The following HEG1 variants were observed in gnomAD, a reference collection of about 807,000 sequenced individuals.
HEG1 encodes the protein protein HEG homolog 1.
Under a neutral mutation model 125.6 loss-of-function variants are expected in HEG1, and 56 were observed. The ratio of observed to expected loss-of-function variants is 0.45; its 90% CI spans 0.36 to 0.56. The LOEUF (loss-of-function observed/expected upper bound fraction) is 0.56, where lower values mean the gene tolerates loss of function less well. Among genes scored for constraint, HEG1 ranks in the 20% least tolerant of loss-of-function variants. HEG1 has a pLI of 0.00. For missense variants in HEG1, 1,523 were observed against 1,670.0 expected (o/e 0.91, Z 1.53); for synonymous variants, 644 against 668.5 (o/e 0.96, Z 0.57).
chr3:125,027,214 G>A lies in HEG1; in HGVS notation c.904C>T (p.Leu302Phe). The A allele has an allele frequency of 6.2e-7, 1 of 1,602,174 alleles. No individual in the cohort carries two copies. Among genetic ancestry groups the A allele is most frequent in the Non-Finnish European group, 8.5e-7 (1 of 1,174,614 alleles). Residue 302 changes from leucine to phenylalanine, a missense_variant, in exon 3 of 17, where the codon CTT becomes TTT. Transcript: ENST00000311127. ...GGTATGTGGCACTCACATGAGGAAAGGTCTAAGAGAGGAGAGGAAGCTGCT... is the reference window on the plus strand; with the variant it reads ...GGTATGTGGCACTCACATGAGGAAAAGTCTAAGAGAGGAGAGGAAGCTGCT... ...RTAASSPLLD[L>F]SSSSESTEKL...
chr3:125,000,393 T>C (rs1372669031), intron 11 of HEG1, among the ~76,000 whole-genome samples: 2 of 152,206 alleles, frequency 1.3e-5, no homozygotes, highest in African/African-American at 4.8e-5. Context: ...GTTGATCACA[T>C]AGAATGTATT....
At chr3:125,028,109 A>G (rs1051251418) in intron 2 of HEG1, among the ~76,000 whole-genome samples, 6 of 151,904 alleles carry the variant, frequency 3.9e-5, no homozygotes, top group Admixed American at 2.6e-4. Flanking sequence ...CCCTGTGGCC[A>G]CTAGGCCACA....
chr3:124,988,495 G>A (rs560366332), intron 14 of HEG1, among the ~76,000 whole-genome samples: 7 of 152,134 alleles, frequency 4.6e-5, no homozygotes, highest in African/African-American at 7.2e-5. Flanking sequence ...CATTTAGAGC[G>A]TGATGACTGG....
chr3:124,994,535 T>C (rs1936886845), intron 12 of HEG1, among the ~76,000 whole-genome samples: 1 of 151,868 alleles, frequency 6.6e-6, no homozygotes, highest in Non-Finnish European at 1.5e-5. Flanking sequence ...AGACGGAGTC[T>C]TGCTCTGTCA....
In HEG1 at chr3:125,014,512, G is replaced by A. The variant is rs184254854; in HGVS notation, c.1589-522C>T. On this transcript the variant is annotated intron_variant, in intron 5 of 16. Coordinates refer to ENST00000311127, the MANE Select transcript of HEG1 (RefSeq NM_020733.2). ...AAACACTATCCCAAATTCCTTAGGT[G>A]AGTGTGTGTGGAGGGCTGGGGGTGG... 1.1e-4 allele frequency among the ~76,000 whole-genome samples: 17 copies of A among 152,274 alleles called. No homozygotes were observed. In the East Asian group the frequency reaches 2.7e-3, roughly 24 times the overall value.
At chr3:124,985,587 C>T (rs532486923) in intron 14 of HEG1, among the ~76,000 whole-genome samples, 25 of 152,232 alleles carry the variant, frequency 1.6e-4, no homozygotes, top group South Asian at 4.1e-4. Context: ...CTGGGGCCAT[C>T]TGGCAAATGG....
chr3:125,038,868 G>A lies in HEG1; in HGVS notation c.317-9380C>T, dbSNP rs1423293775. ...CAGAGCCTGGGCCCAATGAAGTCAG[G>A]AGTAAGGAGAAGAGGCTGTGCCCCC... On this transcript the variant is annotated intron_variant, in intron 1 of 16. Transcript: ENST00000311127. 5.3e-5 allele frequency among the ~76,000 whole-genome samples: 8 copies of A among 152,342 alleles called. No individual in the cohort carries two copies. The South Asian group carries it at 1.5e-3, about 28-fold the overall frequency.
intron 1 of HEG1, among the ~76,000 whole-genome samples, chr3:125,050,379 A>G (rs1403434365): frequency 6.6e-6 from 1 of 152,138 alleles, no homozygotes; most frequent in African/African-American, 2.4e-5. Flanking sequence ...CCTGACCTCA[A>G]GTGATCCACC....
chr3:125,011,136 G>T (rs892486846), intron 6 of HEG1, among the ~76,000 whole-genome samples: 1 of 152,042 alleles, frequency 6.6e-6, no homozygotes, highest in Non-Finnish European at 1.5e-5. Context: ...GCTTCATACA[G>T]GTTTCTGACA....
chr3:124,976,485 C>A (rs568952554), intron 15 of HEG1, among the ~76,000 whole-genome samples: 1 of 146,896 alleles, frequency 6.8e-6, no homozygotes, highest in East Asian at 2.0e-4. Context: ...CTGTGCCCAG[C>A]AGCTATTTTC....
At chr3:125,012,487 C>T in intron 6 of HEG1, 136 bp downstream of exon 6, 1 of 884,830 alleles carries the variant, frequency 1.1e-6, no homozygotes, top group Non-Finnish European at 1.7e-6. Context: ...CAATAGGAAG[C>T]ATTTTAGGTC....
intron 15 of HEG1, 97 bp from the exon 16 acceptor site, chr3:124,974,002 G>T: frequency 1.3e-6 from 1 of 799,552 alleles, no homozygotes; most frequent in Non-Finnish European, 2.0e-6. Context: ...TCAACTGAAA[G>T]CTACCATTAT....
At chr3:125,039,697 T>A (rs1480303345) in intron 1 of HEG1, among the ~76,000 whole-genome samples, 1 of 152,018 alleles carries the variant, frequency 6.6e-6, no homozygotes, top group Non-Finnish European at 1.5e-5. Context: ...ATGGGGAAAC[T>A]GAGGGTCAGA....
At chr3:124,974,454 T>C (rs1221555032) in intron 15 of HEG1, among the ~76,000 whole-genome samples, 1 of 152,082 alleles carries the variant, frequency 6.6e-6, no homozygotes, top group Non-Finnish European at 1.5e-5. Context: ...TACTAGAAGG[T>C]GTGGAACTAG....
intron 15 of HEG1, among the ~76,000 whole-genome samples, chr3:124,976,780 C>A (rs1936549507): frequency 6.6e-6 from 1 of 152,092 alleles, no homozygotes; most frequent in Non-Finnish European, 1.5e-5. Flanking sequence ...GAGCCTGATA[C>A]CTCTCCCCTA....
Position 125,001,071 on chromosome 3 carries a change from C to T in HEG1, c.3517+781G>A, listed in dbSNP as rs143208457. ...CTTCATTTGCCTCACACCAGAGGCA[C>T]TATAGAAGCTTTTGACAAAACAGAC... On this transcript the variant is annotated intron_variant, in intron 11 of 16. Transcript: ENST00000311127. 1.5e-3 allele frequency among the ~76,000 whole-genome samples: 224 copies of T among 152,302 alleles called. 1 individual carries two copies. Among genetic ancestry groups the T allele is most frequent in the African/African-American group, 5.1e-3 (214 of 41,560 alleles).
intron 14 of HEG1, among the ~76,000 whole-genome samples, chr3:124,985,838 T>C (rs1936729257): frequency 6.6e-6 from 1 of 152,232 alleles, no homozygotes; most frequent in South Asian, 2.1e-4. Context: ...AGTGCAATAG[T>C]GCGATCTCGG....
At chr3:125,028,759 C>T (rs933764562) in intron 2 of HEG1, among the ~76,000 whole-genome samples, 1 of 152,142 alleles carries the variant, frequency 6.6e-6, no homozygotes, top group African/African-American at 2.4e-5. Context: ...TGCAATTTTA[C>T]CCATTGAGCC....
chr3:125,012,647 T>TTGG lies in HEG1; in HGVS notation c.2929_2931dup (p.Pro977dup). On this transcript the variant is annotated inframe_insertion, in exon 6 of 17. Transcript: ENST00000311127. Reference sequence around the variant, plus strand: ...CCTGAGGCTGAAGAGGACACTGTTGTTGGTGACTGTGTGCTGCTCTGAACA... The same window carrying TTGG: ...CCTGAGGCTGAAGAGGACACTGTTGTTGGTGGTGACTGTGTGCTGCTCTGAACA... 3 of 1,613,664 alleles carry TTGG rather than the reference T, an allele frequency of 1.9e-6. No homozygotes were observed. The highest frequency in any genetic ancestry group is 2.5e-6 in the Non-Finnish European group (3 of 1,179,800).
Sources: gnomAD v4.1 joint callset for allele counts (sites outside exome capture counted in the v4.1 genomes callset) on GRCh38, gnomAD v4.1.1 for gene constraint, MANE v1.5 for transcripts, NCBI Gene and HGNC (gene_info 2026-07-23, HGNC 2026-07-21) for gene names.